Variants in LMBR1 observed in about 807,000 individuals in gnomAD.
The protein encoded by LMBR1 is limb development membrane protein 1, also known as limb region 1 protein homolog.
LMBR1 carries 52 observed loss-of-function variants against 73.9 expected under a neutral mutation model. The observed-to-expected ratio is 0.70, with a 90% confidence interval of 0.56 to 0.89. The LOEUF is 0.89. Ranked by LOEUF, LMBR1 falls within the 40% of genes least tolerant of loss-of-function variation. LMBR1 has a pLI of 0.00. For synonymous variants in LMBR1, 215 were observed against 209.4 expected (o/e 1.03, Z -0.23); for missense variants, 539 against 579.8 (o/e 0.93, Z 0.72).
intron 9 of LMBR1, among the ~76,000 whole-genome samples, chr7:156,748,148 A>C (rs906169179): frequency 2.0e-5 from 3 of 152,214 alleles, no homozygotes; most frequent in African/African-American, 7.2e-5. Context: ...CTTCTGACAT[A>C]TCCACAAAAA....
At chr7:156,846,997 GAA>G (rs1563520537) in intron 1 of LMBR1, among the ~76,000 whole-genome samples, 1 of 151,980 alleles carries the variant, frequency 6.6e-6, no homozygotes, top group Non-Finnish European at 1.5e-5. Context: ...TTAAAAAGAA[GAA>G]AGAGGACTGA....
chr7:156,858,933 C>G (rs1797349776), intron 1 of LMBR1, among the ~76,000 whole-genome samples: 1 of 151,896 alleles, frequency 6.6e-6, no homozygotes, highest in South Asian at 2.1e-4. Flanking sequence ...CTACAAAAAC[C>G]CCACAGCTAA....
At chr7:156,864,860 G>T (rs575925134) in intron 1 of LMBR1, among the ~76,000 whole-genome samples, 2 of 152,166 alleles carry the variant, frequency 1.3e-5, no homozygotes, top group Middle Eastern at 3.4e-3. Context: ...GCCAGGCACG[G>T]TGGTGGGTGC....
chr7:156,773,097 CAAAAT>C (rs1241897959), intron 5 of LMBR1, among the ~76,000 whole-genome samples: 1 of 151,492 alleles, frequency 6.6e-6, no homozygotes, highest in African/African-American at 2.4e-5. Flanking sequence ...AAAAATGAAA[CAAAAT>C]AAAATAAAAT....
At chr7:156,828,231 G>C (rs1363063619) in intron 3 of LMBR1, among the ~76,000 whole-genome samples, 1 of 152,060 alleles carries the variant, frequency 6.6e-6, no homozygotes, top group Non-Finnish European at 1.5e-5. Context: ...CCCCCTCATA[G>C]CCCAAACATG....
chr7:156,790,656 CAG>C lies in LMBR1; in HGVS notation c.423+5731_423+5732del, dbSNP rs573334872. Reference sequence around the variant, plus strand: ...AAAAAAAGCTGTTACTTAACAGTAACAGATACTATAAAGCCATAATTTAGTGC... The same window carrying C: ...AAAAAAAGCTGTTACTTAACAGTAACATACTATAAAGCCATAATTTAGTGC... On this transcript the variant is annotated intron_variant, in intron 5 of 16. Coordinates refer to ENST00000353442, the MANE Select transcript of LMBR1 (RefSeq NM_022458.4). 5.8e-3 allele frequency among the ~76,000 whole-genome samples: 887 copies of C among 151,910 alleles called. 34 individuals carry two copies. The highest frequency in any genetic ancestry group is 1.3e-3 in the Non-Finnish European group (88 of 67,960).
At chr7:156,751,656 C>CAGAT (rs912971686) in intron 9 of LMBR1, among the ~76,000 whole-genome samples, 1 of 152,174 alleles carries the variant, frequency 6.6e-6, no homozygotes, top group Admixed American at 6.5e-5. Flanking sequence ...GAGGCACAGT[C>CAGAT]AGATTCTGGA....
intron 15 of LMBR1, among the ~76,000 whole-genome samples, chr7:156,723,417 G>T (rs1815035777): frequency 6.6e-6 from 1 of 152,120 alleles, no homozygotes; most frequent in Non-Finnish European, 1.5e-5. Context: ...GAATTAGATA[G>T]AAATGCTTAA....
At chr7:156,791,507 G>A (rs1193879054) in intron 5 of LMBR1, among the ~76,000 whole-genome samples, 1 of 152,090 alleles carries the variant, frequency 6.6e-6, no homozygotes, top group Non-Finnish European at 1.5e-5. Flanking sequence ...TTTGCCAAAA[G>A]GGACATAAAC....
intron 15 of LMBR1, among the ~76,000 whole-genome samples, chr7:156,688,457 G>A (rs1000115277): frequency 3.3e-5 from 5 of 152,006 alleles, no homozygotes; most frequent in East Asian, 1.9e-4. Flanking sequence ...CTCGACATTC[G>A]ACGGAACTCA....
chr7:156,718,170 C>A (rs12532644), intron 15 of LMBR1, among the ~76,000 whole-genome samples: 1 of 152,092 alleles, frequency 6.6e-6, no homozygotes, highest in Admixed American at 6.5e-5. Context: ...GAGGCCAAGG[C>A]GGGCAAATCA....
intron 9 of LMBR1, among the ~76,000 whole-genome samples, chr7:156,741,877 A>C (rs1215605329): frequency 2.6e-5 from 4 of 152,156 alleles, no homozygotes; most frequent in African/African-American, 4.8e-5. Context: ...GATCATTCTC[A>C]AGGACAGACC....
At chr7:156,806,455 TA>T (rs1191657719) in intron 4 of LMBR1, among the ~76,000 whole-genome samples, 2 of 120,866 alleles carry the variant, frequency 1.7e-5, no homozygotes, top group Non-Finnish European at 3.6e-5. Flanking sequence ...TTCAGTGACT[TA>T]TTTTTTTTAA....
At chr7:156,879,517 A>G (rs1800729378) in intron 1 of LMBR1, among the ~76,000 whole-genome samples, 1 of 152,100 alleles carries the variant, frequency 6.6e-6, no homozygotes, top group Admixed American at 6.5e-5. Flanking sequence ...ACAAAAAATT[A>G]GCCAGGCGTG....
At chr7:156,753,250 A>G (rs1295875266) in intron 9 of LMBR1, among the ~76,000 whole-genome samples, 1 of 152,154 alleles carries the variant, frequency 6.6e-6, no homozygotes, top group African/African-American at 2.4e-5. Flanking sequence ...GCACAGAATC[A>G]GAGAAGGATT....
intron 2 of LMBR1, among the ~76,000 whole-genome samples, chr7:156,835,421 G>A (rs976689655): frequency 6.6e-6 from 1 of 152,160 alleles, no homozygotes; most frequent in African/African-American, 2.4e-5. Flanking sequence ...TTGGCCAGGC[G>A]CAGTGGCTCA....
chr7:156,689,138 T>C (rs1170567911), intron 15 of LMBR1, among the ~76,000 whole-genome samples: 1 of 152,158 alleles, frequency 6.6e-6, no homozygotes, highest in African/African-American at 2.4e-5. Context: ...GTCCAGTATT[T>C]ACTGGAAAAA....
intron 3 of LMBR1, among the ~76,000 whole-genome samples, chr7:156,832,094 A>C (rs1190301845): frequency 6.6e-6 from 1 of 152,256 alleles, no homozygotes; most frequent in Non-Finnish European, 1.5e-5. Context: ...TAATTCTGTA[A>C]ATTTAAAACA....
At chr7:156,766,878 T>TA (rs1297230768) in intron 5 of LMBR1, among the ~76,000 whole-genome samples, 1 of 152,090 alleles carries the variant, frequency 6.6e-6, no homozygotes, top group Non-Finnish European at 1.5e-5. Context: ...CAACACCAGG[T>TA]AAAAGGTCCT....
Sources: allele counts gnomAD v4.1 joint callset (sites outside exome capture counted in the v4.1 genomes callset), GRCh38; gene constraint gnomAD v4.1.1; transcripts MANE v1.5; gene names NCBI Gene and HGNC (gene_info 2026-07-23, HGNC 2026-07-21).